Variants in TMEM181 observed in about 807,000 individuals in gnomAD.
The protein encoded by TMEM181 is transmembrane protein 181, also known as G protein-coupled receptor 178.
TMEM181 carries 39 observed loss-of-function variants against 71.9 expected under a neutral mutation model. The ratio of observed to expected loss-of-function variants is 0.54; its 90% CI spans 0.42 to 0.71. The LOEUF (loss-of-function observed/expected upper bound fraction) is 0.71. Among genes scored for constraint, TMEM181 ranks in the 30% least tolerant of loss-of-function variants. The pLI is 0.00. For synonymous variants in TMEM181, 245 were observed against 228.8 expected (o/e 1.07, Z -0.64); for missense variants, 595 against 583.0 (o/e 1.02, Z -0.21).
intron 10 of TMEM181, among the ~76,000 whole-genome samples, chr6:158,613,403 T>C (rs997383786): frequency 6.6e-6 from 1 of 152,242 alleles, no homozygotes; most frequent in Admixed American, 6.5e-5. Context: ...GATGGAACTT[T>C]TTTCCATAGA....
At chr6:158,594,814 A>G (rs1430873182) in intron 6 of TMEM181, among the ~76,000 whole-genome samples, 1 of 152,068 alleles carries the variant, frequency 6.6e-6, no homozygotes, top group South Asian at 2.1e-4. Flanking sequence ...CAGCCTCCTG[A>G]GTAGCTGGGA....
intron 10 of TMEM181, among the ~76,000 whole-genome samples, chr6:158,612,299 T>C (rs1209044742): frequency 6.6e-6 from 1 of 152,232 alleles, no homozygotes; most frequent in Non-Finnish European, 1.5e-5. Context: ...TCCTGCTCTG[T>C]CATTCCAGAC....
At chr6:158,550,477 G>C (rs1781684364) in intron 1 of TMEM181, among the ~76,000 whole-genome samples, 1 of 151,878 alleles carries the variant, frequency 6.6e-6, no homozygotes. Context: ...CCAACATGGT[G>C]AAGCCCCATC....
intron 13 of TMEM181, among the ~76,000 whole-genome samples, chr6:158,628,023 C>A (rs539682872): frequency 6.6e-6 from 1 of 152,296 alleles, no homozygotes; most frequent in African/African-American, 2.4e-5. Context: ...AAGCAGGCTT[C>A]CCTCGGGAGA....
At chr6:158,625,043 CT>C (rs1562314530) in intron 11 of TMEM181, 60 bp from the exon 12 acceptor site, 78 of 1,293,924 alleles carry the variant, frequency 6.0e-5, no homozygotes, top group Non-Finnish European at 8.2e-5. Flanking sequence ...TGTGGTGGTG[CT>C]GGGAGGAGAA....
chr6:158,572,309 CATA>C (rs34964890), intron 1 of TMEM181: 303,640 of 438,038 alleles, frequency 0.69, 106,365 homozygotes, highest in African/African-American at 0.78. Flanking sequence ...CCAGGCTGAG[CATA>C]CTATGTCCAT....
chr6:158,566,324 C>G (rs1332564985), intron 1 of TMEM181, among the ~76,000 whole-genome samples: 1 of 151,870 alleles, frequency 6.6e-6, no homozygotes, highest in African/African-American at 2.4e-5. Context: ...TCTCGCAAGC[C>G]CGAGACAGGA....
At chr6:158,577,470 A>C (rs1783228528) in intron 2 of TMEM181, among the ~76,000 whole-genome samples, 2 of 152,272 alleles carry the variant, frequency 1.3e-5, no homozygotes, top group African/African-American at 4.8e-5. Flanking sequence ...TATCAAATGG[A>C]CCAACATACA....
chr6:158,607,798 G>A (rs955970919), intron 8 of TMEM181, among the ~76,000 whole-genome samples: 1 of 152,226 alleles, frequency 6.6e-6, no homozygotes, highest in African/African-American at 2.4e-5. Flanking sequence ...ATGTTCCACC[G>A]AGCTGGGGCA....
At chr6:158,606,730 C>A (rs972163784) in intron 7 of TMEM181, among the ~76,000 whole-genome samples, 2 of 152,242 alleles carry the variant, frequency 1.3e-5, no homozygotes, top group Admixed American at 6.5e-5. Context: ...ACCTTTGTTA[C>A]AAGACTCCTA....
At chr6:158,626,226 C>T (rs1031442901) in intron 13 of TMEM181, among the ~76,000 whole-genome samples, 6 of 152,204 alleles carry the variant, frequency 3.9e-5, no homozygotes, top group African/African-American at 7.2e-5. Context: ...AGCCTGAGGT[C>T]TCCCAGGGCA....
At chr6:158,574,174 T>C (rs941058006) in intron 2 of TMEM181, among the ~76,000 whole-genome samples, 2 of 152,228 alleles carry the variant, frequency 1.3e-5, no homozygotes, top group Non-Finnish European at 2.9e-5. Flanking sequence ...GGGTGATTTC[T>C]GGTAGATATT....
chr6:158,599,270 A>C (rs1784545359), intron 6 of TMEM181, among the ~76,000 whole-genome samples: 1 of 152,206 alleles, frequency 6.6e-6, no homozygotes, highest in Non-Finnish European at 1.5e-5. Context: ...ATGTGGATGG[A>C]TGGATGGGCG....
At chr6:158,563,582 T>G in intron 1 of TMEM181, among the ~76,000 whole-genome samples, 1 of 152,152 alleles carries the variant, frequency 6.6e-6, no homozygotes, top group African/African-American at 2.4e-5. Context: ...CCAGCACTGC[T>G]TGTGCTGAAA....
intron 1 of TMEM181, among the ~76,000 whole-genome samples, chr6:158,571,404 T>C (rs374425008): frequency 5.5e-5 from 7 of 127,072 alleles, no homozygotes; most frequent in East Asian, 5.5e-4. Flanking sequence ...CCTTGTGATC[T>C]GCCCGCCTTG....
chr6:158,631,211 C>A, intron 15 of TMEM181, 112 bp from the exon 16 acceptor site: 1 of 1,069,806 alleles, frequency 9.3e-7, no homozygotes, highest in Non-Finnish European at 1.4e-6. Flanking sequence ...GGCAGCTCTG[C>A]GATTTGAGTC....
Position 158,599,926 on chromosome 6 carries a change from G to C in TMEM181, c.493-5341G>C, listed in dbSNP as rs566003251. On this transcript the variant is annotated intron_variant, in intron 6 of 16. Transcript: ENST00000684151. ...CTGCTGACAGGGGCGGCCTCCCAGA[G>C]AGTCAGAACATGTGGAAATGGCTTT... 4.6e-5 allele frequency among the ~76,000 whole-genome samples: 7 copies of C among 152,332 alleles called. No homozygotes were observed. The South Asian group carries it at 1.2e-3, about 27-fold the overall frequency.
chr6:158,574,607 TGTAAA>T (rs1276035056), intron 2 of TMEM181, among the ~76,000 whole-genome samples: 1 of 152,162 alleles, frequency 6.6e-6, no homozygotes, highest in Non-Finnish European at 1.5e-5. Flanking sequence ...AAATGAGAAA[TGTAAA>T]GTGTGCACCA....
intron 1 of TMEM181, among the ~76,000 whole-genome samples, chr6:158,537,735 A>C (rs116457985): frequency 0.016 from 2,487 of 152,276 alleles, 78 homozygotes; most frequent in African/African-American, 0.056. Context: ...CTGAGGTTTA[A>C]TCATGATTTA....
Sources: allele counts gnomAD v4.1 joint callset (sites outside exome capture counted in the v4.1 genomes callset), GRCh38; gene constraint gnomAD v4.1.1; transcripts MANE v1.5; gene names NCBI Gene and HGNC (gene_info 2026-07-23, HGNC 2026-07-21).